PCCA: variants seen among roughly 807,000 people sequenced by gnomAD.
The protein encoded by PCCA is propionyl-CoA carboxylase subunit alpha, also known as propionyl-CoA carboxylase alpha chain, mitochondrial.
A neutral mutation model predicts 101.3 loss-of-function variants in PCCA; 74 were observed. The ratio of observed to expected loss-of-function variants is 0.73; its 90% CI spans 0.61 to 0.89. PCCA has a LOEUF of 0.89. Ranked by LOEUF, PCCA falls within the 40% of genes least tolerant of loss-of-function variation. PCCA has a pLI of 0.00. For missense variants in PCCA, 891 were observed against 907.0 expected (o/e 0.98, Z 0.23); for synonymous variants, 294 against 313.6 (o/e 0.94, Z 0.66).
At chr13:100,184,617 A>C (rs2152435496) in intron 6 of PCCA, among the ~76,000 whole-genome samples, 1 of 152,136 alleles carries the variant, frequency 6.6e-6, no homozygotes, top group East Asian at 1.9e-4. Flanking sequence ...CAACCATTCA[A>C]CTCCATTCTA....
At chr13:100,163,384 C>T (rs929783577) in intron 6 of PCCA, among the ~76,000 whole-genome samples, 14 of 152,098 alleles carry the variant, frequency 9.2e-5, no homozygotes, top group Non-Finnish European at 1.6e-4. Context: ...TGTTTAATGT[C>T]GGCCTCTGAA....
At chr13:100,151,590 C>CAAAA (rs368443318) in intron 4 of PCCA, among the ~76,000 whole-genome samples, 2 of 139,324 alleles carry the variant, frequency 1.4e-5, no homozygotes, top group African/African-American at 2.7e-5. Flanking sequence ...AACTCTGTCT[C>CAAAA]AAAAAAAAAA....
At chr13:100,524,869 C>G (rs1246171851) in intron 22 of PCCA, among the ~76,000 whole-genome samples, 1 of 152,012 alleles carries the variant, frequency 6.6e-6, no homozygotes, top group Non-Finnish European at 1.5e-5. Flanking sequence ...GAGATTCTGT[C>G]TCTAAGATAG....
At chr13:100,444,152 C>T (rs541000591) in intron 20 of PCCA, among the ~76,000 whole-genome samples, 45 of 152,024 alleles carry the variant, frequency 3.0e-4, no homozygotes, top group Non-Finnish European at 4.3e-4. Flanking sequence ...GCCATGCCAT[C>T]GTGCCATCCC....
intron 19 of PCCA, among the ~76,000 whole-genome samples, chr13:100,422,330 G>A (rs1485877995): frequency 1.3e-5 from 2 of 151,342 alleles, no homozygotes; most frequent in South Asian, 2.1e-4. Flanking sequence ...TAGAGATGGG[G>A]TCTCACTTTG....
chr13:100,511,057 A>G (rs537966426), intron 21 of PCCA, among the ~76,000 whole-genome samples: 1 of 152,302 alleles, frequency 6.6e-6, no homozygotes, highest in African/African-American at 2.4e-5. Flanking sequence ...GTAGAGGGAA[A>G]TTATTTTGTA....
intron 4 of PCCA, among the ~76,000 whole-genome samples, chr13:100,122,367 A>C (rs1169210175): frequency 1.3e-5 from 2 of 151,854 alleles, no homozygotes; most frequent in Non-Finnish European, 2.9e-5. Context: ...TGAATTGGAA[A>C]CCTTTCTCTC....
At chr13:100,467,190 A>G (rs1019533110) in intron 21 of PCCA, among the ~76,000 whole-genome samples, 1 of 152,166 alleles carries the variant, frequency 6.6e-6, no homozygotes, top group African/African-American at 2.4e-5. Context: ...GGCTTCCTTC[A>G]CATGAGCATC....
intron 19 of PCCA, among the ~76,000 whole-genome samples, chr13:100,419,423 G>A (rs2078598167): frequency 1.3e-5 from 2 of 150,906 alleles, no homozygotes; most frequent in Admixed American, 1.3e-4. Context: ...AGTGGGCCAA[G>A]ATTGTACCAC....
chr13:100,404,408 A>G (rs2077548613), intron 19 of PCCA, among the ~76,000 whole-genome samples: 2 of 152,184 alleles, frequency 1.3e-5, no homozygotes, highest in South Asian at 2.1e-4. Context: ...TGAGTGTATC[A>G]TAGTATAGAG....
intron 23 of PCCA, among the ~76,000 whole-genome samples, chr13:100,528,452 T>C (rs2088051042): frequency 2.0e-5 from 3 of 152,258 alleles, no homozygotes; most frequent in Admixed American, 2.0e-4. Context: ...GTGTTCTGCA[T>C]GTGGCCATGC....
In PCCA at chr13:100,290,174, G is replaced by A. The variant is rs2065018053; in HGVS notation, c.1066-11286G>A. On this transcript the variant is annotated intron_variant, in intron 12 of 23. Coordinates refer to ENST00000376285, the MANE Select transcript of PCCA (RefSeq NM_000282.4). ...TTCCCATTGTAGATAATGTAGTCTT[G>A]CTGTCTGAAAGTTTGCCCAATTTTT... 2.0e-5 allele frequency among the ~76,000 whole-genome samples: 3 copies of A among 151,942 alleles called. No individual in the cohort carries two copies. The South Asian group carries it at 6.2e-4, about 32-fold the overall frequency.
intron 21 of PCCA, among the ~76,000 whole-genome samples, chr13:100,508,018 A>G (rs1240575606): frequency 6.6e-6 from 1 of 152,188 alleles, no homozygotes; most frequent in Admixed American, 6.5e-5. Context: ...ATCTTAGGAC[A>G]GTATAACTGG....
intron 18 of PCCA, among the ~76,000 whole-genome samples, chr13:100,340,598 A>C (rs1296984511): frequency 6.6e-6 from 1 of 152,190 alleles, no homozygotes; most frequent in African/African-American, 2.4e-5. Flanking sequence ...AGTATATTTA[A>C]ATGTAGGAAT....
At chr13:100,385,901 T>A (rs1264330803) in intron 19 of PCCA, among the ~76,000 whole-genome samples, 8 of 152,256 alleles carry the variant, frequency 5.3e-5, no homozygotes, top group African/African-American at 1.9e-4. Context: ...CATGAGCCAC[T>A]GCACCTGGCC....
At chr13:100,340,770 C>A (rs2071186056) in intron 18 of PCCA, among the ~76,000 whole-genome samples, 6 of 152,146 alleles carry the variant, frequency 3.9e-5, no homozygotes, top group Admixed American at 3.9e-4. Context: ...TAAGTAGAAA[C>A]AAAACCTCAA....
At chr13:100,520,376 G>T (rs1047131459) in intron 22 of PCCA, among the ~76,000 whole-genome samples, 1 of 151,920 alleles carries the variant, frequency 6.6e-6, no homozygotes, top group Non-Finnish European at 1.5e-5. Context: ...GGCCGGGCGC[G>T]GTGGCTCACG....
intron 20 of PCCA, among the ~76,000 whole-genome samples, chr13:100,442,070 T>C (rs1334769781): frequency 6.6e-6 from 1 of 151,734 alleles, no homozygotes; most frequent in Non-Finnish European, 1.5e-5. Flanking sequence ...CTCAGCTCAC[T>C]GCAACCTCCG....
chr13:100,209,351 T>A lies in PCCA; in HGVS notation c.488T>A (p.Phe163Tyr), dbSNP rs1177671858. The A allele has an allele frequency of 1.2e-6, 2 of 1,613,686 alleles. No homozygotes were observed. Among genetic ancestry groups the A allele is most frequent in the Admixed American group, 1.7e-5 (1 of 59,996 alleles). Residue 163 changes from phenylalanine to tyrosine, a missense_variant, in exon 7 of 24, where the codon TTC becomes TAC. Transcript: ENST00000376285. ...ARCLAAEDVV[F>Y]IGPDTHAIQA... ...CCACAGGCAGCAGAAGATGTCGTTT[T>A]CATTGGACCTGACACACATGCTATT...
Sources: gnomAD v4.1 joint callset for allele counts (sites outside exome capture counted in the v4.1 genomes callset) on GRCh38, gnomAD v4.1.1 for gene constraint, MANE v1.5 for transcripts, NCBI Gene and HGNC (gene_info 2026-07-23, HGNC 2026-07-21) for gene names.